The following TRAFD1 variants were observed in gnomAD, a reference collection of about 807,000 sequenced individuals.
The protein encoded by TRAFD1 is TRAF-type zinc finger domain-containing protein 1.
In TRAFD1, 38 loss-of-function variants were observed where a neutral mutation model predicts 65.3. The ratio of observed to expected loss-of-function variants is 0.58; its 90% CI spans 0.45 to 0.76. The LOEUF (loss-of-function observed/expected upper bound fraction) is 0.76. Among genes scored for constraint, TRAFD1 ranks in the 30% least tolerant of loss-of-function variants. The pLI, the probability that TRAFD1 is intolerant of heterozygous loss-of-function variation, is 0.00. For missense variants in TRAFD1, 631 were observed against 712.6 expected (o/e 0.89, Z 1.30); for synonymous variants, 223 against 257.2 (o/e 0.87, Z 1.27).
At chr12:112,139,204 G>T (rs991147133) in intron 4 of TRAFD1, among the ~76,000 whole-genome samples, 1 of 151,808 alleles carries the variant, frequency 6.6e-6, no homozygotes, top group African/African-American at 2.4e-5. Flanking sequence ...AAAAAACCTA[G>T]CTAGGCATGA....
At position 112,142,253 on chromosome 12, in the gene TRAFD1, G is replaced by A. The variant is rs115306073; in HGVS notation, c.808G>A (p.Asp270Asn). 16 of 1,613,810 alleles carry A rather than the reference G, an allele frequency of 9.9e-6. No homozygotes were observed. In the African/African-American group the frequency reaches 1.3e-4, roughly 13 times the overall value. ...CTTCTGGAGGGCCGTATGTGAGGCC[G>A]ACCAGTCTCATGGCGGTCCCAGGTC... ...QDFWRAVCEADQSHGGPRSLS... is the reference protein window; with the variant it reads ...QDFWRAVCEANQSHGGPRSLS... Residue 270 changes from aspartate (D) to asparagine (N), a missense_variant, in exon 6 of 12, where the codon GAC becomes AAC. Asp to Asn is a conservative substitution (Grantham distance 23). Transcript: ENST00000412615.
chr12:112,132,364 T>A (rs2079570905), intron 2 of TRAFD1, among the ~76,000 whole-genome samples: 1 of 152,230 alleles, frequency 6.6e-6, no homozygotes, highest in Non-Finnish European at 1.5e-5. Flanking sequence ...TATATAATTT[T>A]ATGGTCCTAG....
Position 112,140,695 on chromosome 12 carries a change from A to C in TRAFD1, c.238-124A>C, listed in dbSNP as rs533864837. ...CTTAAATAATTAAATACATTAAAAA[A>C]GGGTAGGAGAATCAAGGGTTGGAAG... On this transcript the variant is annotated intron_variant, in intron 4 of 11. Transcript: ENST00000412615. 63 of 1,115,966 alleles carry C rather than the reference A, an allele frequency of 5.6e-5. No individual in the cohort carries two copies. The Middle Eastern group carries it at 1.1e-3, about 20-fold the overall frequency. The allele number at this position is 1,115,966 out of a possible 1,614,324, so 69.1% of individuals were successfully genotyped here. A position where few individuals can be genotyped will look rare whatever the true frequency, so the allele number is the denominator to read the frequency against.
At chr12:112,144,975 G>C (rs2030198360) in intron 6 of TRAFD1, among the ~76,000 whole-genome samples, 1 of 152,128 alleles carries the variant, frequency 6.6e-6, no homozygotes, top group African/African-American at 2.4e-5. Context: ...TACTCTACTT[G>C]GTAGAGACTT....
Position 112,141,109 on chromosome 12 carries a change from C to T in TRAFD1, c.528C>T (p.Asp176=), listed in dbSNP as rs2136975601. 9 of 1,614,146 alleles carry T rather than the reference C, an allele frequency of 5.6e-6. No individual in the cohort carries two copies. Among genetic ancestry groups the T allele is most frequent in the African/African-American group, 1.3e-5 (1 of 75,034 alleles). The part of the protein sequence containing the change: ...SQLLRQIEAL[D]PPMRLPRRPL... ...TCCTCAGACAAATTGAGGCTCTGGA[C>T]CCACCCATGAGGCTGCCGCGAAGGC... is the stretch of plus-strand genomic sequence containing the variant. The change falls in exon 5 of 12, where the codon GAC becomes GAT. Residue 176 remains aspartate (D), a synonymous_variant. Coordinates refer to ENST00000412615, the MANE Select transcript of TRAFD1 (RefSeq NM_006700.3).
intron 1 of TRAFD1, among the ~76,000 whole-genome samples, chr12:112,129,029 TAAA>T (rs543476356): frequency 3.3e-5 from 3 of 91,540 alleles, no homozygotes; most frequent in Non-Finnish European, 2.2e-5. Context: ...AGACTCTGTT[TAAA>T]AAAAAAAAAA....
At chr12:112,141,469 T>G in intron 5 of TRAFD1, 1 of 476,292 alleles carries the variant, frequency 2.1e-6, no homozygotes, top group Non-Finnish European at 3.7e-6. Flanking sequence ...TGAGTATCCC[T>G]TATCCAAAAT....
intron 7 of TRAFD1, 128 bp downstream of exon 7, chr12:112,145,790 T>C: frequency 1.3e-6 from 1 of 796,048 alleles, no homozygotes; most frequent in Non-Finnish European, 2.0e-6. Context: ...GCAAGTGTTC[T>C]TTTCCATGAT....
At chr12:112,143,729 GTTT>G (rs869247106) in intron 6 of TRAFD1, among the ~76,000 whole-genome samples, 1 of 121,748 alleles carries the variant, frequency 8.2e-6, no homozygotes, top group South Asian at 2.6e-4. Flanking sequence ...TCCCGCTTTG[GTTT>G]TTTTTTTTTT....
At chr12:112,131,239 C>T (rs2079565013) in intron 2 of TRAFD1, among the ~76,000 whole-genome samples, 1 of 152,256 alleles carries the variant, frequency 6.6e-6, no homozygotes, top group African/African-American at 2.4e-5. Context: ...ATATGTATAG[C>T]TACTGAAACA....
Position 112,152,236 on chromosome 12 carries a change from G to T in TRAFD1, c.1619+96G>T. ...CTTGCCAGGCCTGGGGTAAGACTGAGGTACTTGCATGGTAAGGGGAGGAGT... is the reference window on the plus strand; with the variant it reads ...CTTGCCAGGCCTGGGGTAAGACTGATGTACTTGCATGGTAAGGGGAGGAGT... On this transcript the variant is annotated intron_variant, in intron 10 of 11. Coordinates refer to ENST00000412615, the MANE Select transcript of TRAFD1 (RefSeq NM_006700.3). This position sits in a 1 kb window ranked among gnomAD's most constrained non-coding sequence, Gnocchi z 5.0. 2 of 1,449,742 alleles carry T rather than the reference G, an allele frequency of 1.4e-6. No homozygotes were observed. The highest frequency in any genetic ancestry group is 1.9e-6 in the Non-Finnish European group (2 of 1,070,902). 89.8% of individuals were successfully genotyped at this position (1,449,742 alleles called of 1,614,324 possible).
chr12:112,148,541 G>C (rs1284901442), intron 8 of TRAFD1, among the ~76,000 whole-genome samples: 3 of 152,210 alleles, frequency 2.0e-5, no homozygotes, highest in Admixed American at 6.5e-5. Context: ...GGACCAAAGA[G>C]CCAGGACTCT....
At position 112,151,988 on chromosome 12, in the gene TRAFD1, A is replaced by G. The variant is rs1593874873; in HGVS notation, c.1467A>G (p.Ser489=). ...SSPCVPKLSN[S]DSQDIQGRNR... ...CTTGTGTGCCGAAGCTCAGCAACTC[A>G]GACAGCCAGGACATCCAGGGGCGGA... Residue 489 remains serine (S), a synonymous_variant, in exon 10 of 12, where the codon TCA becomes TCG. Transcript: ENST00000412615. 1.2e-6 allele frequency: 2 copies of G among 1,614,238 alleles called. No individual in the cohort carries two copies. Among genetic ancestry groups the G allele is most frequent in the Non-Finnish European group, 8.5e-7 (1 of 1,180,036 alleles).
chr12:112,141,481 C>T, intron 5 of TRAFD1: 2 of 444,416 alleles, frequency 4.5e-6, no homozygotes, highest in Non-Finnish European at 7.9e-6. Flanking sequence ...ATCCAAAATA[C>T]TTGGGGCCAG....
At chr12:112,147,961 G>A (rs1225746508) in intron 7 of TRAFD1, 113 bp from the exon 8 acceptor site, 11 of 999,656 alleles carry the variant, frequency 1.1e-5, no homozygotes, top group South Asian at 8.3e-5. Flanking sequence ...GAGCCACCGC[G>A]CCCGGCCAAG....
intron 4 of TRAFD1, among the ~76,000 whole-genome samples, chr12:112,136,280 GTT>G (rs751115049): frequency 3.6e-5 from 5 of 138,336 alleles, no homozygotes; most frequent in Admixed American, 7.3e-5. Context: ...TCAGCCCAAA[GTT>G]TTTTTTTTTT....
intron 1 of TRAFD1, among the ~76,000 whole-genome samples, chr12:112,126,987 G>A (rs979050973): frequency 6.6e-6 from 1 of 152,142 alleles, no homozygotes; most frequent in Non-Finnish European, 1.5e-5. Context: ...TCATTCCCTA[G>A]TTTAAAGCCC....
At chr12:112,151,129 T>C (rs968954849) in intron 9 of TRAFD1, among the ~76,000 whole-genome samples, 1 of 151,280 alleles carries the variant, frequency 6.6e-6, no homozygotes, top group Non-Finnish European at 1.5e-5. Context: ...TCCCAGCTAC[T>C]TGGGAGGCTG....
At chr12:112,136,132 A>C (rs1193884115) in intron 4 of TRAFD1, among the ~76,000 whole-genome samples, 1 of 151,454 alleles carries the variant, frequency 6.6e-6, no homozygotes, top group Non-Finnish European at 1.5e-5. Context: ...ACATCTCAAA[A>C]AAAAAAAACC....
Sources: allele counts gnomAD v4.1 joint callset (sites outside exome capture counted in the v4.1 genomes callset), GRCh38; gene constraint gnomAD v4.1.1; non-coding constraint Gnocchi (gnomAD v3.1); transcripts MANE v1.5; gene names NCBI Gene and HGNC (gene_info 2026-07-23, HGNC 2026-07-21).